PTPRT: variants seen among roughly 807,000 people sequenced by gnomAD.
PTPRT encodes the protein protein tyrosine phosphatase receptor type T.
In PTPRT, 56 loss-of-function variants were observed where a neutral mutation model predicts 176.8. The observed-to-expected ratio is 0.32, with a 90% CI of 0.26 to 0.40. PTPRT has a LOEUF of 0.40. PTPRT is among the 10% of genes least tolerant of loss of function. The pLI, the probability that PTPRT is intolerant of heterozygous loss-of-function variation, is 1.00. For missense variants in PTPRT, 1,540 were observed against 1,908.2 expected, an observed-to-expected ratio of 0.81 and a Z score of 3.60; for synonymous variants, 783 against 739.0, an observed-to-expected ratio of 1.06 and a Z score of -0.96.
At chr20:42,824,439 G>C (rs1171307363) in intron 2 of PTPRT, among the ~76,000 whole-genome samples, 1 of 151,882 alleles carries the variant, frequency 6.6e-6, no homozygotes, top group Non-Finnish European at 1.5e-5. Flanking sequence ...CTAATGACAA[G>C]AAGAAGAAAG....
intron 1 of PTPRT, among the ~76,000 whole-genome samples, chr20:42,988,184 G>A (rs1983707296): frequency 6.6e-6 from 1 of 152,200 alleles, no homozygotes; most frequent in Non-Finnish European, 1.5e-5. Context: ...TGTGTCCCCA[G>A]AGTGTTGAAA....
intron 6 of PTPRT, among the ~76,000 whole-genome samples, chr20:42,701,458 C>A (rs1318474546): frequency 6.6e-6 from 1 of 152,172 alleles, no homozygotes. Flanking sequence ...TTTCAAATTT[C>A]AGGCTCAGAG....
At chr20:42,843,000 C>T (rs763050187) in intron 2 of PTPRT, among the ~76,000 whole-genome samples, 7 of 152,140 alleles carry the variant, frequency 4.6e-5, no homozygotes, top group African/African-American at 7.2e-5. Flanking sequence ...GAGGGAGATA[C>T]GAACACCTAG....
chr20:42,581,123 GCAAT>G (rs1044684359), intron 7 of PTPRT, among the ~76,000 whole-genome samples: 5 of 152,106 alleles, frequency 3.3e-5, no homozygotes, highest in Admixed American at 2.6e-4. Context: ...CAGGGCCTTT[GCAAT>G]GGCTGGCCGT....
chr20:42,593,493 AC>A (rs1311617601), intron 7 of PTPRT, among the ~76,000 whole-genome samples: 1 of 152,178 alleles, frequency 6.6e-6, no homozygotes. Flanking sequence ...CATGTAGCTT[AC>A]TTATTGCCAT....
At chr20:42,037,021 CAG>C in the PTPRT span, among the ~76,000 whole-genome samples, 1 of 152,336 alleles carries the variant, frequency 6.6e-6, no homozygotes, top group African/African-American at 2.4e-5. Context: ...AACCCTCCCT[CAG>C]AGGACCAGGT....
chr20:43,075,089 G>A (rs2011241155), intron 1 of PTPRT, among the ~76,000 whole-genome samples: 2 of 152,160 alleles, frequency 1.3e-5, no homozygotes, highest in Non-Finnish European at 2.9e-5. Flanking sequence ...ACAGTGTTTT[G>A]TTTTTCTCCA....
At chr20:42,952,926 C>T (rs747285284) in intron 1 of PTPRT, among the ~76,000 whole-genome samples, 7 of 152,134 alleles carry the variant, frequency 4.6e-5, no homozygotes, top group Non-Finnish European at 8.8e-5. Flanking sequence ...TTTGTATATA[C>T]TCTTAAAAAA....
At chr20:42,987,674 C>T (rs570632752) in intron 1 of PTPRT, among the ~76,000 whole-genome samples, 2 of 152,190 alleles carry the variant, frequency 1.3e-5, no homozygotes, top group African/African-American at 4.8e-5. Flanking sequence ...GGCTAAAGCC[C>T]CCATTCTATC....
intron 7 of PTPRT, among the ~76,000 whole-genome samples, chr20:42,587,930 C>T (rs1332508693): frequency 1.3e-5 from 2 of 152,120 alleles, no homozygotes; most frequent in African/African-American, 4.8e-5. Context: ...TCTGAAGAAA[C>T]CATTTATAAA....
intron 2 of PTPRT, among the ~76,000 whole-genome samples, chr20:42,857,535 G>A (rs879551115): frequency 1.6e-4 from 25 of 152,070 alleles, no homozygotes; most frequent in Non-Finnish European, 2.9e-5. Flanking sequence ...GAGCTTCTGC[G>A]GAGTTGCCAG....
chr20:42,254,546 T>C (rs2056604856), intron 13 of PTPRT, among the ~76,000 whole-genome samples: 1 of 152,204 alleles, frequency 6.6e-6, no homozygotes, highest in South Asian at 2.1e-4. Flanking sequence ...TTTAGATAGA[T>C]AAAGGGCCAT....
intron 1 of PTPRT, among the ~76,000 whole-genome samples, chr20:42,902,155 T>C (rs2079413714): frequency 6.6e-6 from 1 of 152,188 alleles, no homozygotes; most frequent in Non-Finnish European, 1.5e-5. Context: ...TACAGGAACA[T>C]CTGGCTTTCT....
At chr20:42,570,077 T>C (rs2073127856) in intron 7 of PTPRT, among the ~76,000 whole-genome samples, 1 of 152,188 alleles carries the variant, frequency 6.6e-6, no homozygotes, top group Admixed American at 6.5e-5. Context: ...CTACCCCACA[T>C]GGCTCCCTCT....
intron 2 of PTPRT, among the ~76,000 whole-genome samples, chr20:42,819,160 G>C (rs1018113089): frequency 1.3e-5 from 2 of 152,176 alleles, no homozygotes; most frequent in Non-Finnish European, 2.9e-5. Context: ...AGAAAGGCCA[G>C]GTCACCTACA....
intron 3 of PTPRT, among the ~76,000 whole-genome samples, chr20:42,786,239 T>C (rs2077288980): frequency 6.6e-6 from 1 of 152,158 alleles, no homozygotes. Context: ...TTTATAGCAG[T>C]ATGAGAACAG....
intron 11 of PTPRT, among the ~76,000 whole-genome samples, chr20:42,346,606 C>A (rs961226642): frequency 6.6e-6 from 1 of 152,098 alleles, no homozygotes; most frequent in African/African-American, 2.4e-5. Flanking sequence ...GATGAGGGTG[C>A]GGGAGCCCCA....
intron 6 of PTPRT, among the ~76,000 whole-genome samples, chr20:42,692,154 T>C (rs1156817423): frequency 1.3e-5 from 2 of 152,278 alleles, no homozygotes. Flanking sequence ...TTTACACAAA[T>C]TATTTCAGAG....
At chr20:42,507,427 C>T (rs1464939017) in intron 7 of PTPRT, among the ~76,000 whole-genome samples, 3 of 152,140 alleles carry the variant, frequency 2.0e-5, no homozygotes, top group Admixed American at 2.0e-4. Flanking sequence ...GAGAAGCCTT[C>T]TTGGCCGAGA....
Sources: allele counts gnomAD v4.1 joint callset (sites outside exome capture counted in the v4.1 genomes callset), GRCh38; gene constraint gnomAD v4.1.1; transcripts MANE v1.5; gene names NCBI Gene and HGNC (gene_info 2026-07-23, HGNC 2026-07-21).